Variants in SYNPO observed in about 807,000 individuals in gnomAD.
SYNPO encodes the protein synaptopodin.
In SYNPO, 19 loss-of-function variants were observed where a neutral mutation model predicts 49.5. The observed-to-expected ratio is 0.38, with a 90% CI of 0.27 to 0.56. SYNPO has a LOEUF of 0.56. Among genes scored for constraint, SYNPO ranks in the 20% least tolerant of loss-of-function variants. SYNPO has a pLI of 0.68. For synonymous variants in SYNPO, 536 were observed against 548.0 expected, an observed-to-expected ratio of 0.98 and a Z score of 0.31; for missense variants, 1,131 against 1,248.3, an observed-to-expected ratio of 0.91 and a Z score of 1.42.
chr5:150,607,733 A>G (rs1045679700), intron 1 of SYNPO, among the ~76,000 whole-genome samples: 1 of 152,082 alleles, frequency 6.6e-6, no homozygotes, highest in Non-Finnish European at 1.5e-5. Flanking sequence ...ACGTAATGCG[A>G]GCACAGATGT....
intron 1 of SYNPO, among the ~76,000 whole-genome samples, chr5:150,612,972 T>C (rs112951170): frequency 6.6e-6 from 1 of 151,878 alleles, no homozygotes; most frequent in Non-Finnish European, 1.5e-5. Flanking sequence ...GAGACGGGGG[T>C]CTCACTATGT....
chr5:150,648,312 C>A lies in SYNPO; in HGVS notation c.37C>A (p.His13Asn), dbSNP rs765720877. The A allele has an allele frequency of 8.1e-6, 13 of 1,614,050 alleles. No homozygotes were observed. The highest frequency in any genetic ancestry group is 1.0e-5 in the Non-Finnish European group (12 of 1,180,040). ...CTCAGAGGAGGCTAGCTTGCTGCGGCACCTGGAGAAGGTGGCCAGTGAGGA... is the reference window on the plus strand; with the variant it reads ...CTCAGAGGAGGCTAGCTTGCTGCGGAACCTGGAGAAGGTGGCCAGTGAGGA... ...GYSEEASLLRHLEKVASEEEE... is the reference protein window; with the variant it reads ...GYSEEASLLRNLEKVASEEEE... Residue 13 changes from histidine (H) to asparagine (N), a missense_variant, in exon 2 of 3, where the codon CAC (histidine) becomes AAC (asparagine). By Grantham distance (68) the His-to-Asn change is moderately conservative. Transcript: ENST00000307662. The surrounding 1 kb of genome is among the most constrained non-coding windows in gnomAD (Gnocchi z 5.0).
At chr5:150,650,338 C>T in intron 2 of SYNPO, 35 bp downstream of exon 2, 1 of 1,613,462 alleles carries the variant, frequency 6.2e-7, no homozygotes, top group Non-Finnish European at 8.5e-7. Flanking sequence ...AAGTAACGAA[C>T]CCCACGGGGG....
In SYNPO at chr5:150,648,048, C is replaced by T. The variant is rs1179897013; in HGVS notation, c.-228C>T. 18 of 1,551,826 alleles carry T rather than the reference C, an allele frequency of 1.2e-5. No homozygotes were observed. The highest frequency in any genetic ancestry group is 1.6e-5 in the Non-Finnish European group (18 of 1,146,994). On this transcript the variant is annotated 5_prime_UTR_variant, in exon 2 of 3. Transcript: ENST00000307662. This position sits in a 1 kb window ranked among gnomAD's most constrained non-coding sequence, Gnocchi z 5.0. ...GACCACCCCTCCCAGCTCCAATTCCCGTGGCGTCCAGCTCTTCAACAGGCG... is the reference window on the plus strand; with the variant it reads ...GACCACCCCTCCCAGCTCCAATTCCTGTGGCGTCCAGCTCTTCAACAGGCG...
At chr5:150,647,823 A>G in intron 1 of SYNPO, 121 bp from the exon 2 acceptor site, 1 of 919,924 alleles carries the variant, frequency 1.1e-6, no homozygotes, top group East Asian at 2.6e-5. Context: ...TGACGATTAA[A>G]TTCCAGAAGA....
chr5:150,651,669 T>C (rs1018358069), intron 2 of SYNPO: 25 of 1,000,990 alleles, frequency 2.5e-5, no homozygotes, highest in South Asian at 4.7e-5. Context: ...GGCAGGTGCA[T>C]AGCAGTGCAG....
chr5:150,615,574 A>G lies in SYNPO; in HGVS notation c.-265-2529A>G, dbSNP rs79139179. Among the ~76,000 whole-genome samples the G allele has an allele frequency of 2.2e-4, 34 of 152,330 alleles. No individual in the cohort carries two copies. The East Asian group carries it at 3.5e-3, about 16-fold the overall frequency. Reference sequence around the variant, plus strand: ...CAGCATCATCTGGCTCAGTCTCACCATGGTGTCCTCCGGGAATCTGACTAC... The same window carrying G: ...CAGCATCATCTGGCTCAGTCTCACCGTGGTGTCCTCCGGGAATCTGACTAC... On this transcript the variant is annotated intron_variant, in intron 1 of 2. Transcript: ENST00000394243.
upstream of SYNPO, among the ~76,000 whole-genome samples, chr5:150,600,794 C>T (rs1756507323): frequency 6.6e-6 from 1 of 152,040 alleles, no homozygotes; most frequent in African/African-American, 2.4e-5. Context: ...TTTAAGTGTC[C>T]TGTGTCGCTG....
chr5:150,644,271 G>A (rs1332553363), intron 1 of SYNPO, among the ~76,000 whole-genome samples: 3 of 152,112 alleles, frequency 2.0e-5, no homozygotes, highest in South Asian at 2.1e-4. Flanking sequence ...GAGTGAGCTC[G>A]TCACCTGAGT....
At chr5:150,601,077 G>A (rs1756513556), upstream of SYNPO, 1 of 152,304 alleles carries the variant, frequency 6.6e-6, no homozygotes, top group Non-Finnish European at 1.5e-5. Flanking sequence ...GCCTGCTCCA[G>A]ACAGAGCGCG....
chr5:150,619,521 G>T (rs1477296511), intron 2 of SYNPO, among the ~76,000 whole-genome samples: 1 of 152,166 alleles, frequency 6.6e-6, no homozygotes, highest in African/African-American at 2.4e-5. Flanking sequence ...TTCCTGCAGC[G>T]GCTGCTGTCT....
upstream of SYNPO, among the ~76,000 whole-genome samples, chr5:150,598,859 C>T (rs1359013609): frequency 6.6e-6 from 1 of 151,400 alleles, no homozygotes; most frequent in African/African-American, 2.4e-5. Context: ...CCTGAAGGTG[C>T]AGGCTGACAT....
chr5:150,626,219 A>T (rs533333867), intron 2 of SYNPO, among the ~76,000 whole-genome samples: 1 of 152,216 alleles, frequency 6.6e-6, no homozygotes, highest in East Asian at 1.9e-4. Context: ...GTGCTCCCCC[A>T]CTACTTGCCA....
rs1358678780 is a variant in SYNPO, at chr5:150,648,325, T to C, written c.50T>C (p.Val17Ala). ...AGCTTGCTGCGGCACCTGGAGAAGG[T>C]GGCCAGTGAGGAGGAAGAGGTACCA... ...EASLLRHLEK[V>A]ASEEEEVPLV... Residue 17 changes from valine to alanine, a missense_variant, in exon 2 of 3, where the codon GTG (valine) becomes GCG (alanine). Val to Ala is a moderately conservative substitution (Grantham distance 64). This residue lies in a region of SYNPO where 16 missense variants were observed against 20.9 expected (regional missense o/e 0.77). Transcript: ENST00000307662. This position sits in a 1 kb window ranked among gnomAD's most constrained non-coding sequence, Gnocchi z 5.0. The C allele has an allele frequency of 6.2e-7, 1 of 1,614,072 alleles. No homozygotes were observed. The highest frequency in any genetic ancestry group is 8.5e-7 in the Non-Finnish European group (1 of 1,180,000).
At chr5:150,589,063 A>ATT in the SYNPO span, among the ~76,000 whole-genome samples, 8,457 of 145,252 alleles carry the variant, frequency 0.058, 368 homozygotes, top group East Asian at 0.22. Flanking sequence ...TGCTTTATAG[A>ATT]TTTTTTTTTT....
chr5:150,644,572 C>T (rs1758022426), intron 1 of SYNPO, among the ~76,000 whole-genome samples: 1 of 152,154 alleles, frequency 6.6e-6, no homozygotes, highest in South Asian at 2.1e-4. Context: ...GGCAGTCAGG[C>T]CTTGGCATTT....
At chr5:150,637,154 TG>T (rs1304387234), upstream of SYNPO, among the ~76,000 whole-genome samples, 3 of 152,052 alleles carry the variant, frequency 2.0e-5, no homozygotes, top group Non-Finnish European at 4.4e-5. Context: ...GAGCCATAGA[TG>T]GGGGAAGAAC....
the SYNPO span, among the ~76,000 whole-genome samples, chr5:150,591,783 T>C: frequency 0.36 from 54,360 of 152,060 alleles, 10,257 homozygotes; most frequent in Middle Eastern, 0.52. Context: ...TTGTTCTCTC[T>C]CTCTCTGATA....
chr5:150,619,249 T>C (rs1757076315), intron 2 of SYNPO, among the ~76,000 whole-genome samples: 2 of 151,948 alleles, frequency 1.3e-5, no homozygotes, highest in African/African-American at 2.4e-5. Flanking sequence ...ACTGAAGCCT[T>C]TGATAGAATT....
Sources: gnomAD v4.1 joint callset for allele counts (sites outside exome capture counted in the v4.1 genomes callset) on GRCh38, gnomAD v4.1.1 for gene constraint, gnomAD v4.1.1 regional missense constraint, Gnocchi (gnomAD v3.1) non-coding constraint, MANE v1.5 for transcripts, NCBI Gene and HGNC (gene_info 2026-07-23, HGNC 2026-07-21) for gene names.